DTNB: variants seen among roughly 807,000 people sequenced by gnomAD.
DTNB encodes DTN-B.
Under a neutral mutation model 90.7 loss-of-function variants are expected in DTNB, and 63 were observed. That is an observed-to-expected ratio of 0.69 (90% CI 0.57 to 0.86). The LOEUF is 0.86. Among genes scored for constraint, DTNB ranks in the 40% least tolerant of loss-of-function variants. The pLI is 0.00. For missense variants in DTNB, 744 were observed against 807.1 expected (o/e 0.92, Z 0.95); for synonymous variants, 277 against 286.7 (o/e 0.97, Z 0.34).
intron 12 of DTNB, among the ~76,000 whole-genome samples, chr2:25,440,088 A>C (rs988406296): frequency 4.6e-5 from 7 of 152,188 alleles, no homozygotes; most frequent in Admixed American, 4.6e-4. Context: ...CATCTAGAGC[A>C]AAAGATGCCC....
chr2:25,528,041 A>G (rs2077487464), intron 9 of DTNB, among the ~76,000 whole-genome samples: 1 of 152,226 alleles, frequency 6.6e-6, no homozygotes, highest in Non-Finnish European at 1.5e-5. Context: ...CAGTGTATTC[A>G]AACAATGGCC....
At chr2:25,389,678 A>C (rs1242290597) in intron 16 of DTNB, among the ~76,000 whole-genome samples, 1 of 152,214 alleles carries the variant, frequency 6.6e-6, no homozygotes, top group Non-Finnish European at 1.5e-5. Context: ...AAATGAAGAC[A>C]GTTATCCTTC....
chr2:25,587,190 A>G (rs1289391790), intron 6 of DTNB, among the ~76,000 whole-genome samples: 1 of 152,212 alleles, frequency 6.6e-6, no homozygotes, highest in African/African-American at 2.4e-5. Flanking sequence ...TCCAGCAGGC[A>G]ATGAGGAGTG....
intron 9 of DTNB, among the ~76,000 whole-genome samples, chr2:25,504,390 AGAAG>A (rs904593135): frequency 5.3e-5 from 8 of 149,930 alleles, no homozygotes; most frequent in African/African-American, 9.8e-5. Flanking sequence ...AAAGAAGGAA[AGAAG>A]GAAGGAAGGA....
intron 19 of DTNB, among the ~76,000 whole-genome samples, chr2:25,380,340 G>T (rs2037286307): frequency 6.6e-6 from 1 of 152,204 alleles, no homozygotes. Flanking sequence ...TCATGGCAGA[G>T]AATCAGGAGG....
At chr2:25,585,807 TAC>T (rs1034292147) in intron 6 of DTNB, among the ~76,000 whole-genome samples, 1 of 152,218 alleles carries the variant, frequency 6.6e-6, no homozygotes, top group Admixed American at 6.5e-5. Flanking sequence ...TGAGTATAGT[TAC>T]AGAGATATTT....
intron 7 of DTNB, among the ~76,000 whole-genome samples, chr2:25,579,535 C>T (rs2061237038): frequency 6.6e-6 from 1 of 152,014 alleles, no homozygotes; most frequent in Admixed American, 6.6e-5. Flanking sequence ...AATGGCCTTC[C>T]CCTTAACAAA....
chr2:25,589,059 A>G (rs191962390), intron 6 of DTNB, among the ~76,000 whole-genome samples: 389 of 152,356 alleles, frequency 2.6e-3, no homozygotes, highest in African/African-American at 8.8e-3. Flanking sequence ...AAGACATCTC[A>G]CTTCAAAGTG....
At chr2:25,637,780 C>G (rs539257559) in intron 3 of DTNB, among the ~76,000 whole-genome samples, 5 of 152,282 alleles carry the variant, frequency 3.3e-5, no homozygotes, top group African/African-American at 9.6e-5. Context: ...ACTAGTTCAA[C>G]CATTGTGGAA....
intron 12 of DTNB, among the ~76,000 whole-genome samples, chr2:25,447,499 CT>C (rs34508984): frequency 0.018 from 2,034 of 116,012 alleles, 19 homozygotes; most frequent in African/African-American, 0.049. Flanking sequence ...AGCTAGTTAT[CT>C]TTTTTTTTTT....
chr2:25,436,138 C>G (rs1243508610), intron 12 of DTNB, among the ~76,000 whole-genome samples: 1 of 152,166 alleles, frequency 6.6e-6, no homozygotes, highest in Non-Finnish European at 1.5e-5. Context: ...AGTTCAAGAC[C>G]AGCATGGCCA....
chr2:25,553,366 CAT>C (rs1329281892), intron 8 of DTNB, among the ~76,000 whole-genome samples: 1 of 152,122 alleles, frequency 6.6e-6, no homozygotes, highest in Non-Finnish European at 1.5e-5. Context: ...TTTTGATTAA[CAT>C]ATGAGAGAAA....
chr2:25,516,406 C>T (rs2075125029), intron 9 of DTNB, among the ~76,000 whole-genome samples: 1 of 152,026 alleles, frequency 6.6e-6, no homozygotes, highest in South Asian at 2.1e-4. Context: ...ATCACCCCAC[C>T]CCGCTAATTT....
Position 25,427,394 on chromosome 2 carries a change from A to G in DTNB, c.1554+141T>C, listed in dbSNP as rs139039209. 8.9e-5 allele frequency: 63 copies of G among 704,062 alleles called. 1 individual carries two copies. In the Admixed American group the frequency reaches 1.2e-3, roughly 14 times the overall value. 43.6% of individuals were successfully genotyped at this position (704,062 alleles called of 1,614,324 possible). A position where few individuals can be genotyped will look rare whatever the true frequency, so the allele number is the denominator to read the frequency against. The stretch of plus-strand genomic sequence containing the variant: ...ATTTAGATGACTTTTATACCCAATT[A>G]GGCTAAATTTATCTGAAAACTGATT... On this transcript the variant is annotated intron_variant, in intron 15 of 20. Coordinates refer to ENST00000406818, the MANE Select transcript of DTNB (RefSeq NM_021907.5).
At chr2:25,585,036 G>A (rs137918387) in intron 6 of DTNB, among the ~76,000 whole-genome samples, 47 of 152,278 alleles carry the variant, frequency 3.1e-4, no homozygotes, top group African/African-American at 1.1e-3. Context: ...TTTATGAAAG[G>A]CAGGTTGGCT....
At chr2:25,567,956 C>T (rs183707359) in intron 8 of DTNB, among the ~76,000 whole-genome samples, 2 of 152,072 alleles carry the variant, frequency 1.3e-5, no homozygotes, top group East Asian at 1.9e-4. Context: ...GTCAAGAGAT[C>T]GAGACCATCC....
At chr2:25,651,201 T>C (rs1221317992) in intron 2 of DTNB, among the ~76,000 whole-genome samples, 2 of 152,274 alleles carry the variant, frequency 1.3e-5, no homozygotes, top group Admixed American at 6.5e-5. Flanking sequence ...TGCCAAGTGC[T>C]TTATTCACAT....
intron 6 of DTNB, among the ~76,000 whole-genome samples, chr2:25,593,093 G>A (rs1243870538): frequency 6.6e-6 from 1 of 152,202 alleles, no homozygotes. Flanking sequence ...CATCATCACA[G>A]CACTGCAGAA....
At chr2:25,575,867 G>A (rs946561348) in intron 8 of DTNB, among the ~76,000 whole-genome samples, 2 of 152,144 alleles carry the variant, frequency 1.3e-5, no homozygotes, top group African/African-American at 4.8e-5. Context: ...GGAAAATATG[G>A]CATTTTTAGG....
Sources: gnomAD v4.1 joint callset for allele counts (sites outside exome capture counted in the v4.1 genomes callset) on GRCh38, gnomAD v4.1.1 for gene constraint, MANE v1.5 for transcripts, NCBI Gene and HGNC (gene_info 2026-07-23, HGNC 2026-07-21) for gene names.